The following KIF4A variants were observed in gnomAD, a reference collection of about 807,000 sequenced individuals.
KIF4A encodes kinesin family member 4A.
A neutral mutation model predicts 105.9 loss-of-function variants in KIF4A; 7 were observed. That is an observed-to-expected ratio of 0.07 (90% confidence interval 0.04 to 0.12). The LOEUF (loss-of-function observed/expected upper bound fraction) is 0.12, where lower values mean the gene tolerates loss of function less well. Ranked by LOEUF, KIF4A falls within the 10% of genes least tolerant of loss-of-function variation. The probability of loss-of-function intolerance (pLI) is 1.00; values close to 1 mark genes in which losing one functional copy is unlikely to be tolerated. For synonymous variants in KIF4A, 281 were observed against 331.3 expected (o/e 0.85, Z 1.65); for missense variants, 558 against 929.2 (o/e 0.60, Z 5.19).
At chrX:70,409,001 G>T (rs1378434121) in intron 28 of KIF4A, among the ~76,000 whole-genome samples, 1 of 111,679 alleles carries the variant, frequency 9.0e-6, no homozygotes, top group Non-Finnish European at 1.9e-5. Flanking sequence ...GAGTGGCTGG[G>T]ATTACAGGTG....
chrX:70,418,233 C>G (rs1055421807), intron 29 of KIF4A, among the ~76,000 whole-genome samples: 3 of 111,542 alleles, frequency 2.7e-5, no homozygotes, highest in Admixed American at 1.9e-4. Context: ...CAGGAGATTC[C>G]CAGGTATAGA....
chrX:70,292,625 A>T (rs2085765389), intron 3 of KIF4A, among the ~76,000 whole-genome samples: 1 of 111,924 alleles, frequency 8.9e-6, no homozygotes, highest in Non-Finnish European at 1.9e-5. Flanking sequence ...TCTCCACTAT[A>T]ATCTTTTTCC....
intron 15 of KIF4A, among the ~76,000 whole-genome samples, chrX:70,372,670 CAGAGGGAGAGGG>C: frequency 9.3e-6 from 1 of 107,131 alleles, no homozygotes; most frequent in Non-Finnish European, 2.0e-5. Flanking sequence ...GAGAGGGAGA[CAGAGGGAGAGGG>C]AGAGGGAGAG....
intron 28 of KIF4A, among the ~76,000 whole-genome samples, chrX:70,414,019 C>T (rs980243154): frequency 9.0e-6 from 1 of 110,765 alleles, no homozygotes; most frequent in Non-Finnish European, 1.9e-5. Context: ...GATGGGTAGT[C>T]AAGGGCCAGA....
intron 18 of KIF4A, among the ~76,000 whole-genome samples, chrX:70,377,522 A>G (rs2086179512): frequency 8.9e-6 from 1 of 112,518 alleles, no homozygotes; most frequent in Non-Finnish European, 1.9e-5. Flanking sequence ...CACTATACCT[A>G]ACAGAATCTA....
intron 13 of KIF4A, among the ~76,000 whole-genome samples, chrX:70,346,687 G>A (rs1426613288): frequency 9.0e-6 from 1 of 110,999 alleles, no homozygotes; most frequent in Non-Finnish European, 1.9e-5. Context: ...TAAAGTTCCT[G>A]GCTTCCATCC....
intron 28 of KIF4A, among the ~76,000 whole-genome samples, chrX:70,411,840 C>T (rs2086323360): frequency 1.8e-5 from 2 of 109,069 alleles, no homozygotes; most frequent in East Asian, 2.9e-4. Flanking sequence ...GATTGCTTGA[C>T]GCCAGGAGTT....
chrX:70,419,834 T>A (rs1291000109), intron 30 of KIF4A, 51 bp downstream of exon 30: 1 of 1,202,659 alleles, frequency 8.3e-7, no homozygotes, highest in Non-Finnish European at 1.1e-6. Flanking sequence ...CGTCCTTCTC[T>A]GCATTATCTA....
At chrX:70,341,769 T>G in intron 10 of KIF4A, 30 bp from the exon 11 acceptor site, 1 of 1,188,710 alleles carries the variant, frequency 8.4e-7, no homozygotes, top group Non-Finnish European at 1.1e-6. Flanking sequence ...AATCAGATAT[T>G]TTTCTAATAT....
At chrX:70,389,175 G>C (rs1395291082) in intron 20 of KIF4A, among the ~76,000 whole-genome samples, 1 of 111,912 alleles carries the variant, frequency 8.9e-6, no homozygotes, top group East Asian at 2.8e-4. Flanking sequence ...AAGATCGCTT[G>C]AGACTGGGAG....
At chrX:70,394,398 C>G (rs751413497) in intron 20 of KIF4A, among the ~76,000 whole-genome samples, 24 of 108,921 alleles carry the variant, frequency 2.2e-4, no homozygotes, top group African/African-American at 8.0e-4. Flanking sequence ...GAGACAGGGT[C>G]TCACTATGTT....
At chrX:70,405,066 G>A (rs1449815865) in intron 25 of KIF4A, among the ~76,000 whole-genome samples, 1 of 111,111 alleles carries the variant, frequency 9.0e-6, no homozygotes, top group African/African-American at 3.3e-5. Context: ...CAGACTCTGA[G>A]GCCTTGTGGT....
chrX:70,359,841 G>A (rs2086067439), intron 15 of KIF4A, among the ~76,000 whole-genome samples: 1 of 111,526 alleles, frequency 9.0e-6, no homozygotes, highest in South Asian at 3.8e-4. Flanking sequence ...TCAGAATTGG[G>A]CAGAAGCACT....
At chrX:70,415,814 G>T (rs1414928489) in intron 28 of KIF4A, among the ~76,000 whole-genome samples, 1 of 101,813 alleles carries the variant, frequency 9.8e-6, no homozygotes. Context: ...CTATGCTTTT[G>T]TACACATGAA....
Position 70,406,370 on chromosome X carries a change from C to T in KIF4A, c.3072+16C>T, listed in dbSNP as rs753527086. The T allele has an allele frequency of 1.8e-6, 2 of 1,134,758 alleles. No individual in the cohort carries two copies. Among genetic ancestry groups the T allele is most frequent in the South Asian group, 3.7e-5 (2 of 54,602 alleles). 93.5% of individuals were successfully genotyped at this position (1,134,758 alleles called of 1,213,427 possible). On this transcript the variant is annotated intron_variant, in intron 27 of 30. Transcript: ENST00000374403. ...CCCACCTAAGGTAAAATGATCAGTG[C>T]CTGTGATACCTTTGCACAGCTTAGG...
intron 20 of KIF4A, 33 bp from the exon 21 acceptor site, chrX:70,395,638 C>G: frequency 8.3e-7 from 1 of 1,208,827 alleles, no homozygotes. Flanking sequence ...GATTCCTCAT[C>G]CCTAACACAG....
intron 15 of KIF4A, among the ~76,000 whole-genome samples, chrX:70,359,701 C>G (rs772558799): frequency 9.1e-6 from 1 of 110,495 alleles, no homozygotes; most frequent in South Asian, 3.9e-4. Context: ...AAGGGTACTG[C>G]ACATGTCAGC....
chrX:70,294,344 T>C (rs2085772564), intron 3 of KIF4A, among the ~76,000 whole-genome samples: 1 of 112,301 alleles, frequency 8.9e-6, no homozygotes. Context: ...TGAGGCTGTT[T>C]TACAGTTAAC....
chrX:70,309,331 T>C (rs2085839867), intron 7 of KIF4A, among the ~76,000 whole-genome samples: 1 of 112,258 alleles, frequency 8.9e-6, no homozygotes, highest in Non-Finnish European at 1.9e-5. Context: ...ATGAATTGCC[T>C]GTTCATACCA....
Sources: gnomAD v4.1 joint callset for allele counts (sites outside exome capture counted in the v4.1 genomes callset) on GRCh38, gnomAD v4.1.1 for gene constraint, MANE v1.5 for transcripts, NCBI Gene and HGNC (gene_info 2026-07-23, HGNC 2026-07-21) for gene names.